DMRTC2: variants seen among roughly 807,000 people sequenced by gnomAD.
DMRTC2 encodes doublesex- and mab-3-related transcription factor C2.
A neutral mutation model predicts 39.9 loss-of-function variants in DMRTC2; 13 were observed. The ratio of observed to expected loss-of-function variants is 0.33; its 90% confidence interval spans 0.21 to 0.52. DMRTC2 has a LOEUF of 0.52. Among genes scored for constraint, DMRTC2 ranks in the 20% least tolerant of loss-of-function variants. The pLI, the probability that DMRTC2 is intolerant of heterozygous loss-of-function variation, is 0.96. For missense variants in DMRTC2, 431 were observed against 472.8 expected (o/e 0.91, Z 0.82); for synonymous variants, 189 against 185.2 (o/e 1.02, Z -0.17).
Position 41,847,455 on chromosome 19 carries a change from C to T in DMRTC2, c.27C>T (p.Gly9=). The change falls in exon 2 of 9, where the codon GGC becomes GGT. Residue 9 remains glycine (G), a synonymous_variant. Coordinates refer to ENST00000269945, the MANE Select transcript of DMRTC2 (RefSeq NM_001040283.3). ...TGGAACCCAGTGACATGCCTGCTGG[C>T]TACCACTGCCCCTTAGACTCTGCCC... MEPSDMPA[G]YHCPLDSAPW... 1 of 1,583,836 alleles carries T rather than the reference C, an allele frequency of 6.3e-7. No homozygotes were observed. The highest frequency in any genetic ancestry group is 1.1e-5 in the South Asian group (1 of 87,594).
Position 41,848,437 on chromosome 19 carries a change from C to T in DMRTC2, c.371-15C>T. 6.3e-7 allele frequency: 1 copy of T among 1,594,136 alleles called. No homozygotes were observed. Among genetic ancestry groups the T allele is most frequent in the Non-Finnish European group, 8.5e-7 (1 of 1,170,258 alleles). Reference sequence around the variant, plus strand: ...GGAGAAAGGGCTCATTAGAGCTCTCCCTGGTCCTTCACAGCTGGAAAGGAG... The same window carrying T: ...GGAGAAAGGGCTCATTAGAGCTCTCTCTGGTCCTTCACAGCTGGAAAGGAG... On this transcript the variant is annotated splice_polypyrimidine_tract_variant and intron_variant, in intron 3 of 8. Transcript: ENST00000269945.
In DMRTC2 at chr19:41,847,769, C is replaced by G. The variant is rs782434394; in HGVS notation, c.258C>G (p.Ala86=). The G allele has an allele frequency of 1.2e-6, 2 of 1,613,816 alleles. No homozygotes were observed. The highest frequency in any genetic ancestry group is 4.5e-5 in the East Asian group (2 of 44,872). The stretch of plus-strand genomic sequence containing the variant: ...GCAGGGTCATGGCTGCCCAGGTGGC[C>G]TTGCGTAGGCAGCAGGAGGCGCAGC... ...ERRRVMAAQV[A]LRRQQEAQLK... is the part of the protein sequence containing the mutation. Residue 86 remains alanine (A), a synonymous_variant, in exon 3 of 9, where the codon GCC becomes GCG. Transcript: ENST00000269945.
intron 3 of DMRTC2, among the ~76,000 whole-genome samples, chr19:41,848,162 A>G (rs964534296): frequency 3.3e-5 from 5 of 152,200 alleles, no homozygotes; most frequent in African/African-American, 1.2e-4. Flanking sequence ...CCTGGCCAAC[A>G]TGGTGAAACC....
intron 3 of DMRTC2, 95 bp from the exon 4 acceptor site, chr19:41,848,357 A>C: frequency 9.2e-7 from 1 of 1,089,608 alleles, no homozygotes; most frequent in East Asian, 2.7e-5. Flanking sequence ...AAAAAAAAAA[A>C]TGAGCTAGAT....
chr19:41,850,411 G>A, intron 7 of DMRTC2, 39 bp downstream of exon 7: 1 of 1,568,154 alleles, frequency 6.4e-7, no homozygotes, highest in Admixed American at 1.9e-5. Flanking sequence ...CCTGGGAGGA[G>A]GTTGAGCCTG....
chr19:41,846,755 G>T (rs1243482006), intron 1 of DMRTC2, among the ~76,000 whole-genome samples: 3 of 151,988 alleles, frequency 2.0e-5, no homozygotes, highest in Middle Eastern at 3.4e-3. Flanking sequence ...TTTTAGTAGA[G>T]ACAGGGTTTC....
intron 1 of DMRTC2, among the ~76,000 whole-genome samples, chr19:41,846,941 C>T (rs929454595): frequency 6.6e-6 from 1 of 151,730 alleles, no homozygotes; most frequent in South Asian, 2.1e-4. Flanking sequence ...TTTGGGAGGC[C>T]GAGACAGGCA....
chr19:41,851,547 G>T lies in DMRTC2; in HGVS notation c.992-37G>T, dbSNP rs370166527. The T allele has an allele frequency of 2.1e-4, 325 of 1,579,406 alleles. 2 individuals carry two copies. The highest frequency in any genetic ancestry group is 4.0e-5 in the Non-Finnish European group (46 of 1,149,984). ...AGGGGGTTGCTAGAAGGAAAAACAGGTGTGACCTGATCCTGCCCCTTCCTT... is the reference window on the plus strand; with the variant it reads ...AGGGGGTTGCTAGAAGGAAAAACAGTTGTGACCTGATCCTGCCCCTTCCTT... On this transcript the variant is annotated intron_variant, in intron 8 of 8. Coordinates refer to ENST00000269945, the MANE Select transcript of DMRTC2 (RefSeq NM_001040283.3).
intron 1 of DMRTC2, among the ~76,000 whole-genome samples, chr19:41,846,514 A>C (rs1470976662): frequency 6.6e-6 from 1 of 151,798 alleles, no homozygotes; most frequent in Non-Finnish European, 1.5e-5. Flanking sequence ...TCGAGACCAG[A>C]CCAGCCTGGG....
chr19:41,849,188 A>C lies in DMRTC2; in HGVS notation c.687A>C (p.Pro229=). 1 of 1,614,194 alleles carries C rather than the reference A, an allele frequency of 6.2e-7. No homozygotes were observed. Among genetic ancestry groups the C allele is most frequent in the Middle Eastern group, 1.6e-4 (1 of 6,062 alleles). ...CTCATGGGCCCTTCACCACCTGCCC[A>C]GGATCTCACCCAGTACTGACAGCTC... ...LPTHGPFTTC[P]GSHPVLTAPL... The change falls in exon 6 of 9, where the codon CCA becomes CCC. Residue 229 remains proline, a synonymous_variant. Transcript: ENST00000269945.
At chr19:41,851,512 C>A in intron 8 of DMRTC2, 72 bp from the exon 9 acceptor site, 1 of 1,274,924 alleles carries the variant, frequency 7.8e-7, no homozygotes, top group South Asian at 1.3e-5. Flanking sequence ...GGATTGGATT[C>A]GGTAAAAAGA....
Position 41,849,212 on chromosome 19 carries a change from T to C in DMRTC2, c.711T>C (p.Ala237=), listed in dbSNP as rs1317938063. ...TCPGSHPVLT[A]PLSGEPQGPP... The stretch of plus-strand genomic sequence containing the variant: ...CAGGATCTCACCCAGTACTGACAGC[T>C]CCTCTTTCTGGAGAGCCCCAAGGGC... The change falls in exon 6 of 9, where the codon GCT becomes GCC. Residue 237 remains alanine, a synonymous_variant. Transcript: ENST00000269945. 3.1e-6 allele frequency: 5 copies of C among 1,613,998 alleles called. No homozygotes were observed. In the East Asian group the frequency reaches 1.1e-4, roughly 36 times the overall value.
intron 4 of DMRTC2, 99 bp from the exon 5 acceptor site, chr19:41,848,696 C>A: frequency 6.3e-7 from 1 of 1,585,416 alleles, no homozygotes. Context: ...CGAGGGCCTC[C>A]CAGCCCCAAA....
chr19:41,845,635 T>C (rs2073817846), intron 1 of DMRTC2, among the ~76,000 whole-genome samples: 2 of 152,188 alleles, frequency 1.3e-5, no homozygotes, highest in South Asian at 4.1e-4. Context: ...AAGACCAGCC[T>C]GGCCAACATG....
At position 41,851,863 on chromosome 19, in the gene DMRTC2, A is replaced by C; in HGVS notation, c.*167A>C. On this transcript the variant is annotated 3_prime_UTR_variant, in exon 9 of 9. Transcript: ENST00000269945. ...GTTTGTTTAAGCTTTCAGGTGCTTC[A>C]TTAGCTTTCAGTTCCTTTGGTAGTG... 3.2e-6 allele frequency: 2 copies of C among 629,928 alleles called. No individual in the cohort carries two copies. Among genetic ancestry groups the C allele is most frequent in the South Asian group, 4.0e-5 (2 of 49,866 alleles). 39.0% of individuals were successfully genotyped at this position (629,928 alleles called of 1,614,324 possible).
Position 41,850,538 on chromosome 19 carries a change from T to C in DMRTC2, c.829T>C (p.Ser277Pro). The change falls in exon 8 of 9, where the codon TCG becomes CCG. Residue 277 changes from serine (S) to proline (P), a missense_variant. Ser to Pro is a moderately conservative substitution (Grantham distance 74). Transcript: ENST00000269945. ...CTTTCCCTTGCAGGCCTCTGGAGCC[T>C]CGTGCCTGGCCCGGACATCTGGCCC... is the stretch of plus-strand genomic sequence containing the variant. The part of the protein sequence containing the change: ...LQLQPQASGA[S>P]CLARTSGPSE... 1 of 1,612,578 alleles carries C rather than the reference T, an allele frequency of 6.2e-7. No individual in the cohort carries two copies. Among genetic ancestry groups the C allele is most frequent in the Non-Finnish European group, 8.5e-7 (1 of 1,179,328 alleles).
rs570849828 is a variant in DMRTC2, at chr19:41,850,634, C to T, written c.925C>T (p.Arg309Cys). The change falls in exon 8 of 9, where the codon CGT (arginine) becomes TGT (cysteine). Residue 309 changes from arginine to cysteine, a missense_variant. Coordinates refer to ENST00000269945, the MANE Select transcript of DMRTC2 (RefSeq NM_001040283.3). The part of the protein sequence containing the change: ...VGLKDSSQAP[R>C]VTPSVPPNPA... ...GCTGAAAGATTCATCCCAGGCTCCT[C>T]GTGTGACCCCTTCTGTGCCCCCCAA... is the stretch of plus-strand genomic sequence containing the variant. 2.2e-4 allele frequency: 354 copies of T among 1,613,302 alleles called. 2 individuals carry two copies. The highest frequency in any genetic ancestry group is 1.9e-3 in the South Asian group (174 of 90,952).
intron 7 of DMRTC2, 22 bp from the exon 8 acceptor site, chr19:41,850,504 C>CT (rs1299275466): frequency 6.3e-7 from 1 of 1,599,070 alleles, no homozygotes; most frequent in East Asian, 2.3e-5. Context: ...TCCCAGTCTG[C>CT]TTGTCTCCCT....
intron 1 of DMRTC2, among the ~76,000 whole-genome samples, chr19:41,846,521 T>G (rs185818297): frequency 5.3e-5 from 8 of 151,796 alleles, no homozygotes; most frequent in Admixed American, 2.6e-4. Context: ...CAGACCAGCC[T>G]GGGAAACATA....
Sources: allele counts gnomAD v4.1 joint callset (sites outside exome capture counted in the v4.1 genomes callset), GRCh38; gene constraint gnomAD v4.1.1; transcripts MANE v1.5; gene names NCBI Gene and HGNC (gene_info 2026-07-23, HGNC 2026-07-21).